GRIK3: variants seen among roughly 807,000 people sequenced by gnomAD.
GRIK3 encodes the protein glutamate receptor ionotropic, kainate 3.
GRIK3 carries 29 observed loss-of-function variants against 102.5 expected under a neutral mutation model. That is an observed-to-expected ratio of 0.28 (90% CI 0.21 to 0.39). The LOEUF (loss-of-function observed/expected upper bound fraction) is 0.39. GRIK3 is among the 10% of genes least tolerant of loss of function. GRIK3 has a pLI of 1.00. For missense variants in GRIK3, 908 were observed against 1,252.4 expected (o/e 0.73, Z 4.15); for synonymous variants, 511 against 504.9 (o/e 1.01, Z -0.16).
At chr1:36,965,707 C>T (rs953831876) in intron 1 of GRIK3, among the ~76,000 whole-genome samples, 4 of 152,262 alleles carry the variant, frequency 2.6e-5, no homozygotes, top group Non-Finnish European at 5.9e-5. Context: ...TAGATTGAGT[C>T]CCAACGGGAA....
At chr1:36,887,512 T>C (rs2124269825) in intron 2 of GRIK3, among the ~76,000 whole-genome samples, 1 of 151,992 alleles carries the variant, frequency 6.6e-6, no homozygotes, top group South Asian at 2.1e-4. Flanking sequence ...ATCCCAGCAC[T>C]TTAGGAGGCT....
chr1:36,901,670 G>T (rs950051103), intron 1 of GRIK3, among the ~76,000 whole-genome samples: 4 of 152,170 alleles, frequency 2.6e-5, no homozygotes, highest in African/African-American at 9.6e-5. Flanking sequence ...ACAAGGGAAG[G>T]ATGTCCCCTC....
Position 36,924,504 on chromosome 1 carries a change from G to A in GRIK3, c.116-33408C>T, listed in dbSNP as rs561696638. On this transcript the variant is annotated intron_variant, in intron 1 of 15. Transcript: ENST00000373091. ...TGGCTGTGGAGAGGGGAGGGGGAGT[G>A]GGTTGGGTGCTGAGCCCCTATCACA... Among the ~76,000 whole-genome samples the A allele has an allele frequency of 2.0e-5, 3 of 152,250 alleles. No individual in the cohort carries two copies. The East Asian group carries it at 5.8e-4, about 29-fold the overall frequency.
intron 11 of GRIK3, among the ~76,000 whole-genome samples, chr1:36,824,053 C>T (rs1642726648): frequency 6.6e-6 from 1 of 152,144 alleles, no homozygotes; most frequent in Admixed American, 6.5e-5. Flanking sequence ...TCTTGTCCCT[C>T]TCCTCTCTTC....
intron 5 of GRIK3, among the ~76,000 whole-genome samples, chr1:36,868,580 G>A (rs560485277): frequency 2.6e-5 from 4 of 152,314 alleles, no homozygotes; most frequent in Non-Finnish European, 4.4e-5. Flanking sequence ...AAGCGTTCCC[G>A]TCACAGTGAT....
At chr1:36,934,423 G>T (rs886782070) in intron 1 of GRIK3, among the ~76,000 whole-genome samples, 8 of 152,164 alleles carry the variant, frequency 5.3e-5, no homozygotes, top group African/African-American at 1.4e-4. Flanking sequence ...TGGTGATCTT[G>T]TTTCATTTCC....
chr1:36,975,972 GGA>G (rs771204030), intron 1 of GRIK3, among the ~76,000 whole-genome samples: 19 of 152,346 alleles, frequency 1.2e-4, no homozygotes, highest in Non-Finnish European at 2.5e-4. Context: ...TCCTGAAAGA[GGA>G]GAGTCTCCAA....
At chr1:36,886,671 A>G (rs531491795) in intron 2 of GRIK3, among the ~76,000 whole-genome samples, 4 of 152,370 alleles carry the variant, frequency 2.6e-5, no homozygotes, top group Admixed American at 2.0e-4. Flanking sequence ...TATAAAATAT[A>G]GTAAAGTGCA....
intron 5 of GRIK3, among the ~76,000 whole-genome samples, chr1:36,862,864 A>T (rs1340410134): frequency 6.6e-6 from 1 of 152,168 alleles, no homozygotes; most frequent in Non-Finnish European, 1.5e-5. Flanking sequence ...TATGTGTTTG[A>T]CACATGTTTA....
chr1:36,921,948 C>G lies in GRIK3; in HGVS notation c.116-30852G>C, dbSNP rs181370533. Among the ~76,000 whole-genome samples, 73 of 152,228 alleles carry G rather than the reference C, an allele frequency of 4.8e-4. No individual in the cohort carries two copies. The East Asian group carries it at 0.012, about 26-fold the overall frequency. ...TCTCCTTTCCCCAGGAGTGAGCTCTCAATGTTCTCCCAGACAGGAATGCTG... is the reference window on the plus strand; with the variant it reads ...TCTCCTTTCCCCAGGAGTGAGCTCTGAATGTTCTCCCAGACAGGAATGCTG... On this transcript the variant is annotated intron_variant, in intron 1 of 15. Coordinates refer to ENST00000373091, the MANE Select transcript of GRIK3 (RefSeq NM_000831.4).
rs895330797 is a variant in GRIK3, at chr1:36,799,377, C to T, written c.*2474G>A. On this transcript the variant is annotated 3_prime_UTR_variant, in exon 16 of 16. Coordinates refer to ENST00000373091, the MANE Select transcript of GRIK3 (RefSeq NM_000831.4). ...AACATATGTGTGTGTCCCACACACTCGGAAACTTCAACTCCACGTGGCTTC... is the reference window on the plus strand; with the variant it reads ...AACATATGTGTGTGTCCCACACACTTGGAAACTTCAACTCCACGTGGCTTC... 3 of 152,320 alleles carry T rather than the reference C, an allele frequency of 2.0e-5. No individual in the cohort carries two copies. The highest frequency in any genetic ancestry group is 2.9e-5 in the Non-Finnish European group (2 of 68,058). 9.4% of individuals were successfully genotyped at this position (152,320 alleles called of 1,614,324 possible). A position where few individuals can be genotyped will look rare whatever the true frequency, so the allele number is the denominator to read the frequency against.
At position 36,986,397 on chromosome 1, in the gene GRIK3, ATCCT is replaced by A. The variant is rs1227610887; in HGVS notation, c.115+47593_115+47596del. Among the ~76,000 whole-genome samples, 49 of 142,840 alleles carry A rather than the reference ATCCT, an allele frequency of 3.4e-4. 1 individual carries two copies. The highest frequency in any genetic ancestry group is 4.9e-4 in the Non-Finnish European group (32 of 65,644). 93.7% of individuals were successfully genotyped at this position (142,840 alleles called of 152,430 possible). A position where few individuals can be genotyped will look rare whatever the true frequency, so the allele number is the denominator to read the frequency against. ...CGCCCATCCATCCATCCATCCATCC[ATCCT>A]GTCCCCATCTCTCTGTCCATCCATC... is the stretch of plus-strand genomic sequence containing the variant. On this transcript the variant is annotated intron_variant, in intron 1 of 15. Transcript: ENST00000373091.
At chr1:36,944,013 A>G (rs772615012) in intron 1 of GRIK3, among the ~76,000 whole-genome samples, 2 of 152,188 alleles carry the variant, frequency 1.3e-5, no homozygotes, top group Non-Finnish European at 2.9e-5. Flanking sequence ...GGCCCTTGGT[A>G]GCTTCTTACC....
intron 1 of GRIK3, among the ~76,000 whole-genome samples, chr1:36,909,800 A>G (rs927213043): frequency 1.3e-5 from 2 of 152,202 alleles, no homozygotes; most frequent in African/African-American, 4.8e-5. Context: ...GTCAACTGCA[A>G]CCAACTTCTT....
chr1:36,998,197 A>G (rs1232585055), intron 1 of GRIK3, among the ~76,000 whole-genome samples: 1 of 152,212 alleles, frequency 6.6e-6, no homozygotes, highest in Non-Finnish European at 1.5e-5. Context: ...AATCTGATCC[A>G]TATTTGGGGA....
chr1:36,843,437 T>C (rs1266953736), intron 9 of GRIK3, among the ~76,000 whole-genome samples: 2 of 152,170 alleles, frequency 1.3e-5, no homozygotes, highest in East Asian at 1.9e-4. Flanking sequence ...ACTGTCCTTA[T>C]GTGATAGATG....
chr1:36,960,414 G>T (rs968692752), intron 1 of GRIK3, among the ~76,000 whole-genome samples: 11 of 152,240 alleles, frequency 7.2e-5, no homozygotes, highest in Admixed American at 7.2e-4. Context: ...ATTTAACGCA[G>T]TACTTGGCAC....
chr1:36,979,083 G>A (rs1395798378), intron 1 of GRIK3, among the ~76,000 whole-genome samples: 1 of 152,230 alleles, frequency 6.6e-6, no homozygotes, highest in Non-Finnish European at 1.5e-5. Flanking sequence ...AGTACAGCTT[G>A]CTAAGCAGAT....
chr1:36,983,311 C>A (rs1392196335), intron 1 of GRIK3, among the ~76,000 whole-genome samples: 2 of 152,118 alleles, frequency 1.3e-5, no homozygotes, highest in Non-Finnish European at 2.9e-5. Flanking sequence ...AGGGCAACAT[C>A]TATTCTGCCC....
Sources: gnomAD v4.1 joint callset for allele counts (sites outside exome capture counted in the v4.1 genomes callset) on GRCh38, gnomAD v4.1.1 for gene constraint, MANE v1.5 for transcripts, NCBI Gene and HGNC (gene_info 2026-07-23, HGNC 2026-07-21) for gene names.